Variants in FOXP2 observed in about 807,000 individuals in gnomAD.
FOXP2 encodes forkhead box P2.
Under a neutral mutation model 115.8 loss-of-function variants are expected in FOXP2, and 12 were observed. The ratio of observed to expected loss-of-function variants is 0.10; its 90% CI spans 0.07 to 0.17. The LOEUF (loss-of-function observed/expected upper bound fraction) is 0.17. Ranked by LOEUF, FOXP2 falls within the 10% of genes least tolerant of loss-of-function variation. FOXP2 has a pLI of 1.00. For synonymous variants in FOXP2, 328 were observed against 297.7 expected (o/e 1.10, Z -1.05); for missense variants, 629 against 843.5 (o/e 0.75, Z 3.15).
At chr7:114,174,170 G>A (rs1562991908) in intron 1 of FOXP2, among the ~76,000 whole-genome samples, 2 of 151,886 alleles carry the variant, frequency 1.3e-5, no homozygotes, top group African/African-American at 4.8e-5. Flanking sequence ...ATGCTTATGT[G>A]TATATATGTG....
intron 3 of FOXP2, among the ~76,000 whole-genome samples, chr7:114,539,479 T>C (rs1407699714): frequency 2.0e-5 from 3 of 151,916 alleles, no homozygotes; most frequent in African/African-American, 7.2e-5. Context: ...AGAAATAAGT[T>C]TTTAAAGATA....
chr7:114,583,379 A>AG (rs1801967659), intron 3 of FOXP2, among the ~76,000 whole-genome samples: 2 of 152,084 alleles, frequency 1.3e-5, no homozygotes, highest in African/African-American at 4.8e-5. Context: ...CTGTCTCAAA[A>AG]AAAAAAGCAA....
rs1433017633 is a variant in FOXP2, at chr7:114,271,757, A to G, written c.-101-16262A>G. Among the ~76,000 whole-genome samples, 10 of 118,166 alleles carry G rather than the reference A, an allele frequency of 8.5e-5. No individual in the cohort carries two copies. In the Admixed American group the frequency reaches 9.3e-4, roughly 11 times the overall value. The allele number at this position is 118,166 out of a possible 152,430, so 77.5% of individuals were successfully genotyped here. A position where few individuals can be genotyped will look rare whatever the true frequency, so the allele number is the denominator to read the frequency against. ...TATTAAATACATATGCATTAAATAT[A>G]TATTATTTAATATATTATTTATATA... On this transcript the variant is annotated intron_variant, in intron 1 of 17. Transcript: ENST00000634411.
chr7:114,145,431 T>TTTTTCTTTTCTTTTCCTTTCTTTTC (rs1792338398), intron 1 of FOXP2, among the ~76,000 whole-genome samples: 9 of 100,446 alleles, frequency 9.0e-5, no homozygotes, highest in Non-Finnish European at 1.7e-4. Context: ...GCTTTGCCAT[T>TTTTTCTTTTCTTTTCCTTTCTTTTC]TTTTCTTTTC....
intron 1 of FOXP2, among the ~76,000 whole-genome samples, chr7:114,120,940 G>A (rs929181245): frequency 6.6e-6 from 1 of 152,014 alleles, no homozygotes; most frequent in Non-Finnish European, 1.5e-5. Context: ...ATGGTCGGAT[G>A]ACAGGGAGGG....
intron 1 of FOXP2, among the ~76,000 whole-genome samples, chr7:114,169,133 C>T: frequency 7.0e-6 from 1 of 142,186 alleles, no homozygotes. Flanking sequence ...TCAGAGCCCC[C>T]ACACAGAGTC....
At chr7:114,644,515 A>G (rs1263251612) in intron 7 of FOXP2, among the ~76,000 whole-genome samples, 170 bp from the exon 8 acceptor site, 1 of 152,196 alleles carries the variant, frequency 6.6e-6, no homozygotes, top group African/African-American at 2.4e-5. Context: ...AACATCATCT[A>G]GCCTTGGCAG....
intron 1 of FOXP2, among the ~76,000 whole-genome samples, chr7:114,244,937 T>C (rs1398804212): frequency 1.3e-5 from 2 of 152,042 alleles, no homozygotes; most frequent in Middle Eastern, 3.2e-3. Context: ...AATTTTTTTG[T>C]ATTTTTAGTA....
chr7:114,292,577 C>T (rs529938940), intron 2 of FOXP2, among the ~76,000 whole-genome samples: 1 of 152,224 alleles, frequency 6.6e-6, no homozygotes, highest in East Asian at 1.9e-4. Context: ...ACATCTTTCT[C>T]ATTGTTTCTG....
At chr7:114,675,232 G>A (rs543390827) in intron 16 of FOXP2, among the ~76,000 whole-genome samples, 36 of 151,820 alleles carry the variant, frequency 2.4e-4, no homozygotes, top group Non-Finnish European at 3.7e-4. Flanking sequence ...GAGTAAAATT[G>A]AATTTCCATA....
At chr7:114,138,331 A>G (rs146770413) in intron 1 of FOXP2, among the ~76,000 whole-genome samples, 79 of 151,822 alleles carry the variant, frequency 5.2e-4, no homozygotes, top group African/African-American at 1.7e-3. Context: ...ACAGTTATAT[A>G]TCCTGTTCAT....
At chr7:114,335,166 A>T (rs1264148650) in intron 2 of FOXP2, among the ~76,000 whole-genome samples, 2 of 151,482 alleles carry the variant, frequency 1.3e-5, no homozygotes, top group African/African-American at 4.8e-5. Flanking sequence ...AAGTACCCTG[A>T]AAAGTATCAC....
intron 16 of FOXP2, among the ~76,000 whole-genome samples, chr7:114,678,163 AC>A (rs1024212319): frequency 2.6e-5 from 4 of 152,300 alleles, no homozygotes; most frequent in African/African-American, 9.6e-5. Context: ...TTCATATTTG[AC>A]TTTTTTTTCC....
chr7:114,398,551 C>T (rs974958519), intron 2 of FOXP2, among the ~76,000 whole-genome samples: 14 of 152,122 alleles, frequency 9.2e-5, no homozygotes. Flanking sequence ...ATGAAGAAAA[C>T]ATTTAAATTC....
At chr7:114,164,275 T>G (rs148236147) in intron 1 of FOXP2, among the ~76,000 whole-genome samples, 5 of 152,160 alleles carry the variant, frequency 3.3e-5, no homozygotes, top group African/African-American at 1.2e-4. Flanking sequence ...TGGACTTAGA[T>G]GTTCAGTTCA....
chr7:114,120,230 T>C (rs1476068124), intron 1 of FOXP2, among the ~76,000 whole-genome samples: 1 of 152,100 alleles, frequency 6.6e-6, no homozygotes. Flanking sequence ...AGTCACATGC[T>C]AGGAGAACAG....
chr7:114,380,848 C>T (rs570530408), intron 2 of FOXP2, among the ~76,000 whole-genome samples: 2 of 152,366 alleles, frequency 1.3e-5, no homozygotes, highest in East Asian at 3.9e-4. Context: ...TTTGCCACTA[C>T]ATCTATTTTC....
At chr7:114,192,231 C>T (rs1415409084) in intron 1 of FOXP2, among the ~76,000 whole-genome samples, 5 of 152,118 alleles carry the variant, frequency 3.3e-5, no homozygotes, top group African/African-American at 7.2e-5. Flanking sequence ...GTGATCTGCC[C>T]GCCTTTGCCT....
Position 114,274,429 on chromosome 7 carries a change from G to A in FOXP2, c.-101-13590G>A, listed in dbSNP as rs578141397. On this transcript the variant is annotated intron_variant, in intron 1 of 17. Transcript: ENST00000634411. ...TTCCTTTCTTTATGTAAATCTGAGTGTCTGACCTGTATTATTGTCCTTCTA... is the reference window on the plus strand; with the variant it reads ...TTCCTTTCTTTATGTAAATCTGAGTATCTGACCTGTATTATTGTCCTTCTA... Among the ~76,000 whole-genome samples, 7 of 151,968 alleles carry A rather than the reference G, an allele frequency of 4.6e-5. No homozygotes were observed. In the South Asian group the frequency reaches 1.0e-3, roughly 23 times the overall value.
Sources: allele counts gnomAD v4.1 joint callset (sites outside exome capture counted in the v4.1 genomes callset), GRCh38; gene constraint gnomAD v4.1.1; transcripts MANE v1.5; gene names NCBI Gene and HGNC (gene_info 2026-07-23, HGNC 2026-07-21).